Variants in ABLIM3 observed in about 807,000 individuals in gnomAD.
ABLIM3 encodes the protein actin-binding LIM protein 3.
Under a neutral mutation model 109.5 loss-of-function variants are expected in ABLIM3, and 61 were observed. The observed-to-expected ratio is 0.56, with a 90% CI of 0.45 to 0.69. ABLIM3 has a LOEUF of 0.69. ABLIM3 is among the 30% of genes least tolerant of loss of function. The pLI is 0.00. For missense variants in ABLIM3, 796 were observed against 889.5 expected (o/e 0.89, Z 1.34); for synonymous variants, 300 against 324.8 (o/e 0.92, Z 0.82).
At chr5:149,195,161 A>T (rs1320019894) in intron 3 of ABLIM3, among the ~76,000 whole-genome samples, 1 of 152,158 alleles carries the variant, frequency 6.6e-6, no homozygotes, top group Non-Finnish European at 1.5e-5. Context: ...TCATCTTACA[A>T]ATGAGCTCCA....
intron 2 of ABLIM3, among the ~76,000 whole-genome samples, chr5:149,149,209 G>A (rs1168293541): frequency 2.6e-5 from 4 of 152,170 alleles, no homozygotes; most frequent in Admixed American, 2.6e-4. Context: ...CTCTCTCTGT[G>A]GTCTTGGACA....
chr5:149,191,511 C>G (rs1218082221), intron 3 of ABLIM3, among the ~76,000 whole-genome samples: 1 of 152,068 alleles, frequency 6.6e-6, no homozygotes, highest in African/African-American at 2.4e-5. Flanking sequence ...AACAAATCAT[C>G]TATGTCTTAT....
intron 9 of ABLIM3, among the ~76,000 whole-genome samples, chr5:149,231,531 C>A (rs1464668737): frequency 6.6e-6 from 1 of 152,210 alleles, no homozygotes; most frequent in Non-Finnish European, 1.5e-5. Context: ...AGCAAGTGCA[C>A]AATTTCTGAC....
At chr5:149,214,253 C>T (rs989437386) in intron 7 of ABLIM3, among the ~76,000 whole-genome samples, 12 of 152,194 alleles carry the variant, frequency 7.9e-5, no homozygotes, top group Non-Finnish European at 1.6e-4. Flanking sequence ...GGAGCTGGAT[C>T]CAGTGCTTAA....
Position 149,258,934 on chromosome 5 carries a change from TA to T in ABLIM3, c.*534del, listed in dbSNP as rs146648227. 545 of 990,222 alleles carry T rather than the reference TA, an allele frequency of 5.5e-4. 3 individuals carry two copies. In the African/African-American group the frequency reaches 8.2e-3, roughly 15 times the overall value. The allele number at this position is 990,222 out of a possible 1,614,324, so 61.3% of individuals were successfully genotyped here. ...CAGTGCTCTCTTGGGGCAATGCAGTTAAAAGGGTGAGCCTCAAATCTAGTCA... is the reference window on the plus strand; with the variant it reads ...CAGTGCTCTCTTGGGGCAATGCAGTTAAAGGGTGAGCCTCAAATCTAGTCA... On this transcript the variant is annotated 3_prime_UTR_variant, in exon 24 of 24. Transcript: ENST00000309868.
In ABLIM3 at chr5:149,230,649, G is replaced by A. The variant is rs922112602; in HGVS notation, c.758G>A (p.Gly253Asp). The change falls in exon 9 of 24, where the codon GGT becomes GAT. Residue 253 changes from glycine to aspartate, a missense_variant and splice_region_variant. Transcript: ENST00000309868. ...FTEGEEMYLT[G>D]SEVWHPICKQ... ...CTTCGTTATTTTCATGACCCCTTAGGTTCCGAGGTTTGGCACCCCATCTGC... is the reference window on the plus strand; with the variant it reads ...CTTCGTTATTTTCATGACCCCTTAGATTCCGAGGTTTGGCACCCCATCTGC... 12 of 1,613,986 alleles carry A rather than the reference G, an allele frequency of 7.4e-6. No individual in the cohort carries two copies. Among genetic ancestry groups the A allele is most frequent in the Admixed American group, 3.3e-5 (2 of 60,010 alleles).
In ABLIM3 at chr5:149,200,309, C is replaced by T. The variant is rs1375906967; in HGVS notation, c.336-7C>T. ...TGTGTTGAATTTCTCCCTCATCCCA[C>T]TTGCAGGAAGCCTTTCCCCATTGGA... On this transcript the variant is annotated splice_region_variant and splice_polypyrimidine_tract_variant and intron_variant, in intron 4 of 23. Transcript: ENST00000309868. The T allele has an allele frequency of 6.2e-7, 1 of 1,613,710 alleles. No homozygotes were observed. Among genetic ancestry groups the T allele is most frequent in the Admixed American group, 1.7e-5 (1 of 60,022 alleles).
At chr5:149,240,485 G>C (rs913140848) in intron 13 of ABLIM3, 191 bp from the exon 14 acceptor site, 1 of 594,214 alleles carries the variant, frequency 1.7e-6, no homozygotes, top group Non-Finnish European at 3.0e-6. Context: ...GCAAAGTCAA[G>C]CTTGTTTCTG....
rs1753211089 is a variant in ABLIM3 at position 149,245,026 on chromosome 5, C to T, written c.1486+11C>T. 4 of 1,614,170 alleles carry T rather than the reference C, an allele frequency of 2.5e-6. No individual in the cohort carries two copies. Among genetic ancestry groups the T allele is most frequent in the Non-Finnish European group, 3.4e-6 (4 of 1,180,012 alleles). On this transcript the variant is annotated intron_variant, in intron 16 of 23. Coordinates refer to ENST00000309868, the MANE Select transcript of ABLIM3 (RefSeq NM_014945.5). ...ATGGGTCCCCCAAAGGTAGTACCCC[C>T]ATAGGAGCCTGGGTCCAGGGCCCTA...
chr5:149,181,173 A>C (rs910231522), intron 2 of ABLIM3, among the ~76,000 whole-genome samples: 1 of 152,200 alleles, frequency 6.6e-6, no homozygotes, highest in Non-Finnish European at 1.5e-5. Flanking sequence ...ATATAAACAG[A>C]ATCTATATTT....
chr5:149,223,828 A>G (rs1198055383), intron 8 of ABLIM3, among the ~76,000 whole-genome samples: 3 of 152,108 alleles, frequency 2.0e-5, no homozygotes, highest in Non-Finnish European at 2.9e-5. Flanking sequence ...CTAACCCCCA[A>G]CTTCCCATCT....
At chr5:149,207,194 C>T in intron 6 of ABLIM3, 60 bp downstream of exon 6, 1 of 1,578,126 alleles carries the variant, frequency 6.3e-7, no homozygotes, top group Non-Finnish European at 8.6e-7. Context: ...AGGCCTGCCC[C>T]ATTGAGCCCA....
chr5:149,153,591 A>T (rs1753626492), intron 2 of ABLIM3, among the ~76,000 whole-genome samples: 1 of 152,232 alleles, frequency 6.6e-6, no homozygotes, highest in Non-Finnish European at 1.5e-5. Context: ...TGTTTGAAAC[A>T]TTATATTCAG....
chr5:149,164,548 C>T (rs1400187739), intron 2 of ABLIM3, among the ~76,000 whole-genome samples: 1 of 152,124 alleles, frequency 6.6e-6, no homozygotes, highest in Non-Finnish European at 1.5e-5. Context: ...AGTTTCAGTC[C>T]TTACCCTGGA....
chr5:149,232,203 G>A (rs1243024213), intron 9 of ABLIM3, among the ~76,000 whole-genome samples: 1 of 152,220 alleles, frequency 6.6e-6, no homozygotes, highest in Non-Finnish European at 1.5e-5. Context: ...CTACTTGGGA[G>A]GCTGAAGCAG....
At position 149,159,598 on chromosome 5, in the gene ABLIM3, G is replaced by C. The variant is rs566750101; in HGVS notation, c.13+17490G>C. On this transcript the variant is annotated intron_variant, in intron 2 of 23. Coordinates refer to ENST00000309868, the MANE Select transcript of ABLIM3 (RefSeq NM_014945.5). Reference sequence around the variant, plus strand: ...CTATTCCCTTAGATAGAATAGGCTTGCAAACAGAAGAACTAACTTGAGATC... The same window carrying C: ...CTATTCCCTTAGATAGAATAGGCTTCCAAACAGAAGAACTAACTTGAGATC... Among the ~76,000 whole-genome samples, 4 of 152,238 alleles carry C rather than the reference G, an allele frequency of 2.6e-5. No homozygotes were observed. In the East Asian group the frequency reaches 7.7e-4, roughly 29 times the overall value.
At chr5:149,161,817 GA>G (rs1424352780) in intron 2 of ABLIM3, among the ~76,000 whole-genome samples, 2 of 151,980 alleles carry the variant, frequency 1.3e-5, no homozygotes, top group East Asian at 1.9e-4. Flanking sequence ...TAGTACCAAG[GA>G]AAAAAGCCAA....
Position 149,258,979 on chromosome 5 carries a change from G to A in ABLIM3, c.*575G>A. On this transcript the variant is annotated 3_prime_UTR_variant, in exon 24 of 24. Transcript: ENST00000309868. ...CTAGTCATTACACCAGTCAACAGAAGTGGACAGGGCCTAGGCCTCTCCTCA... is the reference window on the plus strand; with the variant it reads ...CTAGTCATTACACCAGTCAACAGAAATGGACAGGGCCTAGGCCTCTCCTCA... The A allele has an allele frequency of 1.0e-6, 1 of 991,730 alleles. No homozygotes were observed. Among genetic ancestry groups the A allele is most frequent in the Non-Finnish European group, 1.2e-6 (1 of 833,926 alleles). The allele number at this position is 991,730 out of a possible 1,614,324, so 61.4% of individuals were successfully genotyped here.
At chr5:149,248,735 A>C (rs934805509) in intron 18 of ABLIM3, among the ~76,000 whole-genome samples, 1 of 151,124 alleles carries the variant, frequency 6.6e-6, no homozygotes. Context: ...AATCATCGGA[A>C]TGGCTCAAAG....
Sources: gnomAD v4.1 joint callset for allele counts (sites outside exome capture counted in the v4.1 genomes callset) on GRCh38, gnomAD v4.1.1 for gene constraint, MANE v1.5 for transcripts, NCBI Gene and HGNC (gene_info 2026-07-23, HGNC 2026-07-21) for gene names.